Variants in SMARCC2 observed in about 807,000 individuals in gnomAD.
The protein encoded by SMARCC2 is SWI/SNF related BAF chromatin remodeling complex subunit C2.
SMARCC2 carries 15 observed loss-of-function variants against 151.3 expected under a neutral mutation model. That is an observed-to-expected ratio of 0.10 (90% CI 0.07 to 0.15). The LOEUF is 0.15. Among genes scored for constraint, SMARCC2 ranks in the 10% least tolerant of loss-of-function variants. The pLI is 1.00. For missense variants in SMARCC2, 1,031 were observed against 1,599.7 expected (o/e 0.64, Z 6.06); for synonymous variants, 590 against 609.5 (o/e 0.97, Z 0.47).
rs1592321993 is a variant in SMARCC2 at position 56,184,015 on chromosome 12, T to C, written c.563-85A>G. 9 of 1,116,122 alleles carry C rather than the reference T, an allele frequency of 8.1e-6. No individual in the cohort carries two copies. The East Asian group carries it at 2.2e-4, about 27-fold the overall frequency. 69.1% of individuals were successfully genotyped at this position (1,116,122 alleles called of 1,614,324 possible). ...TGTACAAAAGCCCTAACTAATGCAC[T>C]CTCCTGTTGTAGCAGGGGACTTGGT... On this transcript the variant is annotated intron_variant, in intron 6 of 28. Coordinates refer to ENST00000550164, the MANE Select transcript of SMARCC2 (RefSeq NM_001330288.2).
At chr12:56,176,192 A>C (rs1295713416) in intron 15 of SMARCC2, among the ~76,000 whole-genome samples, 1 of 151,914 alleles carries the variant, frequency 6.6e-6, no homozygotes, top group Non-Finnish European at 1.5e-5. Flanking sequence ...TTCAGTTCCT[A>C]CTCCAACCCT....
At chr12:56,173,394 A>G (rs1312602559) in intron 17 of SMARCC2, among the ~76,000 whole-genome samples, 1 of 152,210 alleles carries the variant, frequency 6.6e-6, no homozygotes, top group Non-Finnish European at 1.5e-5. Context: ...AAGATGACAA[A>G]GTTTAAAAAT....
At chr12:56,186,100 A>G in intron 3 of SMARCC2, 55 bp downstream of exon 3, 1 of 1,264,312 alleles carries the variant, frequency 7.9e-7, no homozygotes, top group Non-Finnish European at 1.2e-6. Flanking sequence ...CAGGGAATCA[A>G]AAAGGGGGAT....
chr12:56,172,002 C>A (rs1476066094), intron 20 of SMARCC2, 65 bp from the exon 21 acceptor site: 1 of 1,485,060 alleles, frequency 6.7e-7, no homozygotes, highest in Non-Finnish European at 9.2e-7. Flanking sequence ...CTGACTCCCC[C>A]CATCCTACTA....
intron 3 of SMARCC2, 21 bp downstream of exon 3, chr12:56,186,134 G>A: frequency 4.0e-6 from 6 of 1,508,028 alleles, no homozygotes; most frequent in Non-Finnish European, 5.5e-6. Flanking sequence ...AATATAAGAA[G>A]AATAGAGAGA....
chr12:56,187,269 G>C lies in SMARCC2; in HGVS notation c.149C>G (p.Ser50Cys). Reference protein sequence around the residue: ...QAEPPTNKSLSSLVVQLLQFQ... With the variant: ...QAEPPTNKSLCSLVVQLLQFQ... The stretch of plus-strand genomic sequence containing the variant: ...TTGTAGCAACTGTACAACCAGGCTA[G>C]ACAGGGACTTGTTGGTGGGTGGTTC... The change falls in exon 2 of 29, where the codon TCT becomes TGT. Residue 50 changes from serine to cysteine, a missense_variant. By Grantham distance (112) the Ser-to-Cys change is moderately radical (BLOSUM62 -1). This residue lies in a region of SMARCC2 where 14 missense variants were observed against 45.4 expected (regional missense o/e 0.31). Coordinates refer to ENST00000550164, the MANE Select transcript of SMARCC2 (RefSeq NM_001330288.2). The C allele has an allele frequency of 1.9e-6, 3 of 1,613,758 alleles. No homozygotes were observed. The highest frequency in any genetic ancestry group is 2.5e-6 in the Non-Finnish European group (3 of 1,179,676).
chr12:56,182,737 G>T lies in SMARCC2; in HGVS notation c.633-658C>A, dbSNP rs184688188. ...TTCCCAAAGTGCTAGTATTATAGGA[G>T]TGAGCTACTGTGCCTGGTCCACAAT... On this transcript the variant is annotated intron_variant, in intron 7 of 28. Transcript: ENST00000550164. Among the ~76,000 whole-genome samples, 357 of 148,908 alleles carry T rather than the reference G, an allele frequency of 2.4e-3. 4 individuals carry two copies. The highest frequency in any genetic ancestry group is 8.6e-3 in the African/African-American group (343 of 39,984).
chr12:56,182,509 C>T (rs1019137848), intron 7 of SMARCC2, among the ~76,000 whole-genome samples: 5 of 151,396 alleles, frequency 3.3e-5, no homozygotes, highest in Admixed American at 3.3e-4. Flanking sequence ...ATTTTTAGTA[C>T]AGACGGGGTT....
rs1875604724 is a variant in SMARCC2, at chr12:56,179,061, G to A, written c.1082-5C>T. On this transcript the variant is annotated splice_polypyrimidine_tract_variant and splice_region_variant and intron_variant, in intron 11 of 28. Transcript: ENST00000550164. Reference sequence around the variant, plus strand: ...CTGAGTCTTTCTTTGTGTTGACTGCGAAAACAGAGAGTCATTTTATCAGAC... The same window carrying A: ...CTGAGTCTTTCTTTGTGTTGACTGCAAAAACAGAGAGTCATTTTATCAGAC... 1.4e-5 allele frequency: 22 copies of A among 1,613,690 alleles called. No homozygotes were observed. The East Asian group carries it at 2.0e-4, about 15-fold the overall frequency.
chr12:56,178,596 T>A (rs1222820381), intron 13 of SMARCC2, 62 bp from the exon 14 acceptor site: 1 of 1,609,966 alleles, frequency 6.2e-7, no homozygotes, highest in African/African-American at 1.3e-5. Context: ...AACCCTCTGC[T>A]TCTCCCACAC....
At chr12:56,183,323 A>AT (rs56122523) in intron 7 of SMARCC2, 127 of 139,498 alleles carry the variant, frequency 9.1e-4, no homozygotes, top group African/African-American at 2.3e-3. Context: ...CGCCCTGCTA[A>AT]TTTTTTTTTT....
At chr12:56,163,825 G>A in intron 28 of SMARCC2, 60 bp from the exon 29 acceptor site, 1 of 1,112,878 alleles carries the variant, frequency 9.0e-7, no homozygotes, top group East Asian at 3.0e-5. Context: ...TCCAGACCCA[G>A]ACCACCACAG....
chr12:56,168,362 C>T (rs990756349), intron 25 of SMARCC2, among the ~76,000 whole-genome samples, 168 bp from the exon 26 acceptor site: 6 of 151,398 alleles, frequency 4.0e-5, no homozygotes, highest in African/African-American at 7.3e-5. Context: ...CGTGAGCCAC[C>T]GTGTCTTTTT....
At chr12:56,188,746 C>T (rs1376637483) in intron 1 of SMARCC2, among the ~76,000 whole-genome samples, 1 of 152,198 alleles carries the variant, frequency 6.6e-6, no homozygotes, top group Non-Finnish European at 1.5e-5. Flanking sequence ...CCAGGAACTC[C>T]TATACCCCGG....
intron 25 of SMARCC2, among the ~76,000 whole-genome samples, chr12:56,168,888 G>A (rs548454479): frequency 6.6e-6 from 1 of 152,248 alleles, no homozygotes; most frequent in South Asian, 2.1e-4. Context: ...GCTGAGGTGG[G>A]AGAATCGCTT....
intron 3 of SMARCC2, 90 bp from the exon 4 acceptor site, chr12:56,185,201 T>C (rs1876993335): frequency 2.0e-6 from 2 of 1,021,144 alleles, no homozygotes; most frequent in Middle Eastern, 2.6e-4. Context: ...TTTTTTGAGA[T>C]GGAGTCTTGC....
rs1476187408 is a variant in SMARCC2, at chr12:56,181,069, C to A, written c.989G>T (p.Gly330Val). The part of the protein sequence containing the change: ...PSTPYTKSKR[G>V]HREEEQEDLT... Reference sequence around the variant, plus strand: ...GTCTTCTTGCTCCTCTTCTCTGTGGCCACGCTTTGACTTAGTGTAAGGTGT... The same window carrying A: ...GTCTTCTTGCTCCTCTTCTCTGTGGACACGCTTTGACTTAGTGTAAGGTGT... The change falls in exon 11 of 29, where the codon GGC becomes GTC. Residue 330 changes from glycine (G) to valine (V), a missense_variant. Gly to Val is a moderately radical substitution (Grantham distance 109). Coordinates refer to ENST00000550164, the MANE Select transcript of SMARCC2 (RefSeq NM_001330288.2). 7 of 1,613,784 alleles carry A rather than the reference C, an allele frequency of 4.3e-6. No individual in the cohort carries two copies. Among genetic ancestry groups the A allele is most frequent in the Non-Finnish European group, 5.9e-6 (7 of 1,179,868 alleles).
intron 11 of SMARCC2, among the ~76,000 whole-genome samples, chr12:56,180,113 C>CT (rs933830369): frequency 1.2e-4 from 18 of 148,818 alleles, no homozygotes; most frequent in Non-Finnish European, 1.6e-4. Context: ...ATTTTTTTTT[C>CT]TTTTTTTTTA....
chr12:56,185,238 G>C, intron 3 of SMARCC2, 127 bp from the exon 4 acceptor site: 1 of 717,170 alleles, frequency 1.4e-6, no homozygotes, highest in Non-Finnish European at 2.5e-6. Context: ...GAGTGCAGTG[G>C]CGCGATCCCG....
Sources: gnomAD v4.1 joint callset for allele counts (sites outside exome capture counted in the v4.1 genomes callset) on GRCh38, gnomAD v4.1.1 for gene constraint, gnomAD v4.1.1 regional missense constraint, MANE v1.5 for transcripts, NCBI Gene and HGNC (gene_info 2026-07-23, HGNC 2026-07-21) for gene names.